The following CNTN3 variants were observed in gnomAD, a reference collection of about 807,000 sequenced individuals.
CNTN3 encodes contactin 3, also known as contactin-3.
A neutral mutation model predicts 119.1 loss-of-function variants in CNTN3; 60 were observed. The observed-to-expected ratio is 0.50, with a 90% CI of 0.41 to 0.62. The LOEUF is 0.62. Ranked by LOEUF, CNTN3 falls within the 20% of genes least tolerant of loss-of-function variation. The probability of loss-of-function intolerance (pLI) is 0.00; values close to 1 mark genes in which losing one functional copy is unlikely to be tolerated. For missense variants in CNTN3, 1,101 were observed against 1,242.4 expected (o/e 0.89, Z 1.71); for synonymous variants, 450 against 438.7 (o/e 1.03, Z -0.32).
At chr3:74,358,597 A>ATTTATTTG (rs1703999673) in intron 11 of CNTN3, among the ~76,000 whole-genome samples, 1 of 55,520 alleles carries the variant, frequency 1.8e-5, no homozygotes, top group Non-Finnish European at 3.5e-5. Context: ...TTTTTTTTTG[A>ATTTATTTG]TTTATTTATT....
intron 2 of CNTN3, among the ~76,000 whole-genome samples, chr3:74,510,309 A>G (rs1375180077): frequency 6.6e-6 from 1 of 152,104 alleles, no homozygotes; most frequent in African/African-American, 2.4e-5. Flanking sequence ...GAATGTGTCT[A>G]TGACTCTCAT....
chr3:74,534,072 G>A (rs1216728231), intron 1 of CNTN3, among the ~76,000 whole-genome samples: 1 of 151,962 alleles, frequency 6.6e-6, no homozygotes, highest in African/African-American at 2.4e-5. Flanking sequence ...ATCCAGCCTG[G>A]CTACTTTCTG....
chr3:74,285,737 ACAAATGCTGAG>A (rs60611123), intron 19 of CNTN3, among the ~76,000 whole-genome samples: 44,205 of 136,302 alleles, frequency 0.32, 7,855 homozygotes, highest in South Asian at 0.56. Context: ...TTCAAACAGA[ACAAATGCTGAG>A]CAAGCCAGAC....
intron 5 of CNTN3, among the ~76,000 whole-genome samples, chr3:74,398,982 A>G (rs763577859): frequency 6.6e-6 from 1 of 152,244 alleles, no homozygotes; most frequent in African/African-American, 2.4e-5. Flanking sequence ...TAGTTAGCAT[A>G]TCTACCAACT....
chr3:74,291,924 T>A (rs1284785203), intron 19 of CNTN3, among the ~76,000 whole-genome samples: 1 of 152,168 alleles, frequency 6.6e-6, no homozygotes, highest in Non-Finnish European at 1.5e-5. Flanking sequence ...TGGGCACTGC[T>A]TTAGAAAGAT....
chr3:74,380,727 C>G (rs929381443), intron 5 of CNTN3, among the ~76,000 whole-genome samples: 4 of 152,114 alleles, frequency 2.6e-5, no homozygotes, highest in Middle Eastern at 3.2e-3. Flanking sequence ...TACAAAAGAA[C>G]CATACAGACA....
chr3:74,308,311 T>C (rs895133300), intron 13 of CNTN3, among the ~76,000 whole-genome samples: 10 of 152,218 alleles, frequency 6.6e-5, no homozygotes, highest in African/African-American at 2.4e-4. Context: ...TCTGACTGAT[T>C]ACCAGTTTCA....
intron 1 of CNTN3, among the ~76,000 whole-genome samples, chr3:74,570,329 G>A (rs189903361): frequency 9.2e-5 from 14 of 151,980 alleles, no homozygotes; most frequent in Admixed American, 2.6e-4. Context: ...ACACAAAAGC[G>A]GATTTTCTAC....
At chr3:74,286,008 A>T (rs1368798331) in intron 19 of CNTN3, among the ~76,000 whole-genome samples, 1 of 151,920 alleles carries the variant, frequency 6.6e-6, no homozygotes, top group African/African-American at 2.4e-5. Flanking sequence ...TTTCTTTCTT[A>T]GTTGTGTTTT....
chr3:74,337,259 A>G (rs1298486165), intron 11 of CNTN3, among the ~76,000 whole-genome samples: 3 of 152,134 alleles, frequency 2.0e-5, no homozygotes, highest in Admixed American at 1.3e-4. Flanking sequence ...GAGTACTCAA[A>G]GCTTTGGCAT....
intron 11 of CNTN3, among the ~76,000 whole-genome samples, chr3:74,346,349 T>A (rs537847731): frequency 5.8e-4 from 89 of 152,160 alleles, no homozygotes; most frequent in African/African-American, 2.0e-3. Flanking sequence ...TCTCTCTTCT[T>A]TTCCAAAACA....
At chr3:74,366,431 G>A (rs1338387738) in intron 8 of CNTN3, among the ~76,000 whole-genome samples, 2 of 151,858 alleles carry the variant, frequency 1.3e-5, no homozygotes, top group African/African-American at 2.4e-5. Flanking sequence ...TGAAAGCATC[G>A]TACCACTTAC....
chr3:74,596,920 A>G (rs974162012), intron 1 of CNTN3, among the ~76,000 whole-genome samples: 4 of 152,124 alleles, frequency 2.6e-5, no homozygotes, highest in African/African-American at 9.6e-5. Flanking sequence ...CCATAAGGAC[A>G]GCAAACGACC....
chr3:74,498,848 G>C (rs1177512228), intron 3 of CNTN3, among the ~76,000 whole-genome samples: 2 of 151,756 alleles, frequency 1.3e-5, no homozygotes, highest in Non-Finnish European at 3.0e-5. Context: ...TTTTAAAGGT[G>C]TCTTGAATAC....
At chr3:74,537,928 AGCCCG>A (rs1703788783) in intron 1 of CNTN3, among the ~76,000 whole-genome samples, 2 of 152,130 alleles carry the variant, frequency 1.3e-5, no homozygotes, top group Non-Finnish European at 2.9e-5. Flanking sequence ...AGAGAAGGGC[AGCCCG>A]AGGGGAAGGG....
chr3:74,295,491 A>T (rs919104258), intron 18 of CNTN3, among the ~76,000 whole-genome samples: 1 of 152,040 alleles, frequency 6.6e-6, no homozygotes, highest in African/African-American at 2.4e-5. Flanking sequence ...CTTTCTTGGC[A>T]TCTTCCTTAT....
At chr3:74,409,541 C>A (rs570406406) in intron 5 of CNTN3, among the ~76,000 whole-genome samples, 1 of 151,762 alleles carries the variant, frequency 6.6e-6, no homozygotes, top group African/African-American at 2.4e-5. Flanking sequence ...TACTATTAAT[C>A]CAACTGTTGG....
chr3:74,481,987 G>T (rs190559203), intron 4 of CNTN3, among the ~76,000 whole-genome samples: 1 of 151,766 alleles, frequency 6.6e-6, no homozygotes, highest in East Asian at 1.9e-4. Context: ...TTATCACAAA[G>T]AAATAATACT....
At chr3:74,511,450 A>G (rs1703361432) in intron 2 of CNTN3, among the ~76,000 whole-genome samples, 1 of 152,066 alleles carries the variant, frequency 6.6e-6, no homozygotes, top group South Asian at 2.1e-4. Flanking sequence ...GGTACATCTA[A>G]GTATAATACC....
Sources: allele counts gnomAD v4.1 joint callset (sites outside exome capture counted in the v4.1 genomes callset), GRCh38; gene constraint gnomAD v4.1.1; transcripts MANE v1.5; gene names NCBI Gene and HGNC (gene_info 2026-07-23, HGNC 2026-07-21).